CA1: variants seen among roughly 807,000 people sequenced by gnomAD.
The protein encoded by CA1 is carbonate dehydratase I.
Under a neutral mutation model 28.8 loss-of-function variants are expected in CA1, and 27 were observed. That is an observed-to-expected ratio of 0.94 (90% CI 0.69 to 1.29). CA1 has a LOEUF of 1.29. Ranked by LOEUF, CA1 falls within the 50% of genes most tolerant of loss-of-function variation. The pLI, the probability that CA1 is intolerant of heterozygous loss-of-function variation, is 0.00. For missense variants in CA1, 335 were observed against 310.5 expected (o/e 1.08, Z -0.59); for synonymous variants, 121 against 108.8 (o/e 1.11, Z -0.70).
chr8:85,357,167 G>A (rs1193107434), intron 1 of CA1, among the ~76,000 whole-genome samples: 1 of 152,160 alleles, frequency 6.6e-6, no homozygotes, highest in African/African-American at 2.4e-5. Context: ...GGTGAGTTCA[G>A]GTCACATCAG....
chr8:85,346,776 A>G (rs182562596), intron 1 of CA1, among the ~76,000 whole-genome samples: 13 of 152,284 alleles, frequency 8.5e-5, no homozygotes, highest in African/African-American at 3.1e-4. Flanking sequence ...ATAAATAAAT[A>G]AATAATAAAA....
chr8:85,332,973 C>T (rs1037119089), intron 5 of CA1, among the ~76,000 whole-genome samples: 4 of 152,040 alleles, frequency 2.6e-5, no homozygotes, highest in Non-Finnish European at 4.4e-5. Context: ...CTTGGTTACC[C>T]GGGCATACCC....
At chr8:85,329,221 A>G (rs1766873200) in intron 7 of CA1, among the ~76,000 whole-genome samples, 1 of 152,218 alleles carries the variant, frequency 6.6e-6, no homozygotes, top group South Asian at 2.1e-4. Context: ...ATGGTAGAGC[A>G]ATGAATGATA....
chr8:85,329,119 A>T (rs1284487387), intron 7 of CA1, among the ~76,000 whole-genome samples: 2 of 152,168 alleles, frequency 1.3e-5, no homozygotes, highest in Non-Finnish European at 2.9e-5. Context: ...CATGTGCTCA[A>T]TAAATGTCAG....
chr8:85,364,207 A>G (rs1311077626), intron 1 of CA1, among the ~76,000 whole-genome samples: 2 of 152,116 alleles, frequency 1.3e-5, no homozygotes, highest in Non-Finnish European at 2.9e-5. Context: ...GCTGCTCTTT[A>G]ATGTGAAATG....
intron 1 of CA1, among the ~76,000 whole-genome samples, chr8:85,360,407 G>A (rs961951329): frequency 6.6e-6 from 1 of 152,112 alleles, no homozygotes; most frequent in Admixed American, 6.5e-5. Context: ...CAATACAAGC[G>A]TTGGCTGGGT....
chr8:85,376,015 A>G (rs552405470), intron 1 of CA1, among the ~76,000 whole-genome samples: 1 of 152,352 alleles, frequency 6.6e-6, no homozygotes, highest in African/African-American at 2.4e-5. Context: ...GGGAATTTCA[A>G]CTATCAAATT....
intron 1 of CA1, among the ~76,000 whole-genome samples, chr8:85,355,577 T>C (rs1246842724): frequency 1.4e-5 from 2 of 146,938 alleles, no homozygotes; most frequent in Non-Finnish European, 3.0e-5. Flanking sequence ...TTTTTTTTAC[T>C]TTCAGTAGAG....
chr8:85,358,729 C>T (rs1449306776), intron 1 of CA1, among the ~76,000 whole-genome samples: 4 of 152,168 alleles, frequency 2.6e-5, no homozygotes, highest in African/African-American at 4.8e-5. Flanking sequence ...GCGAACAACA[C>T]GAGCGAAGGC....
intron 6 of CA1, among the ~76,000 whole-genome samples, chr8:85,331,920 A>G (rs1808423086): frequency 6.6e-6 from 1 of 152,070 alleles, no homozygotes; most frequent in Non-Finnish European, 1.5e-5. Context: ...AATCTTTTCT[A>G]GAATCAGCAT....
At chr8:85,332,059 A>G (rs1443971712) in intron 6 of CA1, among the ~76,000 whole-genome samples, 1 of 151,854 alleles carries the variant, frequency 6.6e-6, no homozygotes, top group Non-Finnish European at 1.5e-5. Context: ...CAAAAAATCC[A>G]TTTTTTTTGA....
chr8:85,347,358 A>T (rs1448410694), intron 1 of CA1, among the ~76,000 whole-genome samples: 1 of 152,182 alleles, frequency 6.6e-6, no homozygotes, highest in African/African-American at 2.4e-5. Flanking sequence ...TTTAGTAAGT[A>T]TTGGTAGCTT....
rs1808253323 is a variant in CA1, at chr8:85,328,324, C to G, written c.*236G>C. ...ATTTTAAAGAATTCCTCAAACTAAA[C>G]TTGAATTTAAGCATAAGCTTATGCT... On this transcript the variant is annotated 3_prime_UTR_variant, in exon 8 of 8. Transcript: ENST00000523022. The G allele has an allele frequency of 3.3e-6, 1 of 303,300 alleles. No individual in the cohort carries two copies. The highest frequency in any genetic ancestry group is 6.0e-6 in the Non-Finnish European group (1 of 165,504). 18.8% of individuals were successfully genotyped at this position (303,300 alleles called of 1,614,324 possible).
At chr8:85,376,592 G>A (rs1387717484) in intron 1 of CA1, among the ~76,000 whole-genome samples, 1 of 151,600 alleles carries the variant, frequency 6.6e-6, no homozygotes, top group African/African-American at 2.4e-5. Context: ...AACCCAGGAG[G>A]CAGAGGTTAC....
At chr8:85,332,574 G>A in intron 5 of CA1, 22 bp from the exon 6 acceptor site, 1 of 1,581,160 alleles carries the variant, frequency 6.3e-7, no homozygotes. Flanking sequence ...AGAAAATAAA[G>A]TATGAGATAA....
chr8:85,336,589 T>C (rs1482666421), intron 4 of CA1, among the ~76,000 whole-genome samples: 2 of 152,180 alleles, frequency 1.3e-5, no homozygotes, highest in African/African-American at 4.8e-5. Context: ...GTATCCAAAC[T>C]TGAACGTTTA....
At chr8:85,337,189 T>G (rs1247865415) in intron 3 of CA1, 126 bp from the exon 4 acceptor site, 3 of 715,656 alleles carry the variant, frequency 4.2e-6, no homozygotes, top group African/African-American at 3.5e-5. Context: ...TGCCTAAACT[T>G]TCATCTTGTT....
At chr8:85,358,184 A>G (rs1000342921) in intron 1 of CA1, among the ~76,000 whole-genome samples, 1 of 152,142 alleles carries the variant, frequency 6.6e-6, no homozygotes, top group South Asian at 2.1e-4. Flanking sequence ...GCAAGAGGAG[A>G]CAGGACAGCC....
chr8:85,366,266 G>C (rs2130371515), intron 1 of CA1, among the ~76,000 whole-genome samples: 1 of 150,796 alleles, frequency 6.6e-6, no homozygotes, highest in East Asian at 2.0e-4. Context: ...TCCCTCTTCG[G>C]CCTCCCAAAG....
Sources: allele counts gnomAD v4.1 joint callset (sites outside exome capture counted in the v4.1 genomes callset), GRCh38; gene constraint gnomAD v4.1.1; transcripts MANE v1.5; gene names NCBI Gene and HGNC (gene_info 2026-07-23, HGNC 2026-07-21).